The following THSD7B variants were observed in gnomAD, a reference collection of about 807,000 sequenced individuals.
THSD7B encodes thrombospondin type 1 domain containing 7B.
In THSD7B, 138 loss-of-function variants were observed where a neutral mutation model predicts 213.6. The ratio of observed to expected loss-of-function variants is 0.65; its 90% CI spans 0.56 to 0.74. The LOEUF (loss-of-function observed/expected upper bound fraction) is 0.74, where lower values mean the gene tolerates loss of function less well. THSD7B is among the 30% of genes least tolerant of loss of function. The pLI is 0.00. For synonymous variants in THSD7B, 742 were observed against 687.0 expected (o/e 1.08, Z -1.25); for missense variants, 1,931 against 1,991.5 (o/e 0.97, Z 0.58).
At chr2:137,645,139 A>G (rs1683006756) in intron 21 of THSD7B, among the ~76,000 whole-genome samples, 1 of 152,144 alleles carries the variant, frequency 6.6e-6, no homozygotes. Context: ...TATAGTGGGG[A>G]TAGCAGTAGT....
chr2:137,478,094 G>A (rs1386954906), intron 15 of THSD7B, among the ~76,000 whole-genome samples: 1 of 151,860 alleles, frequency 6.6e-6, no homozygotes, highest in East Asian at 1.9e-4. Flanking sequence ...ATATCTATTT[G>A]GCATCTGTAA....
At chr2:137,132,481 T>C (rs1309587702) in intron 5 of THSD7B, among the ~76,000 whole-genome samples, 1 of 152,196 alleles carries the variant, frequency 6.6e-6, no homozygotes, top group Admixed American at 6.5e-5. Context: ...TACTTTCTTA[T>C]GTGAGTTCAC....
At chr2:137,618,061 A>C (rs965031295) in intron 18 of THSD7B, among the ~76,000 whole-genome samples, 6 of 152,132 alleles carry the variant, frequency 3.9e-5, no homozygotes, top group Admixed American at 1.3e-4. Flanking sequence ...TATCCTCAAC[A>C]AATAGTTGAT....
intron 2 of THSD7B, among the ~76,000 whole-genome samples, chr2:137,028,560 C>T (rs2104849637): frequency 1.3e-5 from 2 of 152,232 alleles, no homozygotes; most frequent in South Asian, 4.1e-4. Flanking sequence ...TATTTAACAC[C>T]ACCATGTTCC....
At chr2:137,050,211 CT>C (rs1343847985) in intron 2 of THSD7B, among the ~76,000 whole-genome samples, 1 of 152,088 alleles carries the variant, frequency 6.6e-6, no homozygotes, top group Non-Finnish European at 1.5e-5. Context: ...GTTTGAGAGT[CT>C]TTTTTTAGGC....
chr2:137,452,673 A>G (rs936166366), intron 15 of THSD7B, among the ~76,000 whole-genome samples: 5 of 152,310 alleles, frequency 3.3e-5, no homozygotes, highest in Admixed American at 1.3e-4. Flanking sequence ...TCAAGGGAAT[A>G]AAAGGATTTT....
chr2:137,534,616 G>C (rs1053663163), intron 15 of THSD7B, among the ~76,000 whole-genome samples: 1 of 151,704 alleles, frequency 6.6e-6, no homozygotes, highest in African/African-American at 2.4e-5. Context: ...CTACAGGAAA[G>C]TTTTATGTAC....
intron 2 of THSD7B, among the ~76,000 whole-genome samples, chr2:136,984,901 G>A (rs1039163808): frequency 2.0e-5 from 3 of 152,092 alleles, no homozygotes; most frequent in East Asian, 1.9e-4. Context: ...AGTGAAGATC[G>A]CCCATGTATA....
At chr2:137,342,674 G>T (rs1684787035) in intron 12 of THSD7B, among the ~76,000 whole-genome samples, 1 of 150,110 alleles carries the variant, frequency 6.7e-6, no homozygotes, top group Non-Finnish European at 1.5e-5. Flanking sequence ...ATTGTGTGTA[G>T]ATGCATTCCT....
At chr2:136,877,190 G>C (rs1683538663) in intron 1 of THSD7B, among the ~76,000 whole-genome samples, 1 of 152,172 alleles carries the variant, frequency 6.6e-6, no homozygotes, top group Non-Finnish European at 1.5e-5. Flanking sequence ...TTTTACTTGA[G>C]GAGGGGGACT....
chr2:137,361,924 A>G lies in THSD7B; in HGVS notation c.2501-43689A>G, dbSNP rs144511344. 2.6e-3 allele frequency among the ~76,000 whole-genome samples: 400 copies of G among 152,284 alleles called. 13 individuals are homozygous for G. In the East Asian group the frequency reaches 0.065, roughly 25 times the overall value. On this transcript the variant is annotated intron_variant, in intron 12 of 27. Coordinates refer to ENST00000409968, the MANE Select transcript of THSD7B (RefSeq NM_001316349.2). ...CTCGAGAAGAGCAACCCCAAAACAC[A>G]TAATTATCAGATTCACCAAGGTTGA...
chr2:137,629,920 G>A (rs544786169), intron 20 of THSD7B, among the ~76,000 whole-genome samples: 1 of 152,138 alleles, frequency 6.6e-6, no homozygotes, highest in African/African-American at 2.4e-5. Context: ...TTCTATTTAA[G>A]GTCCCATGTT....
chr2:136,823,932 C>A (rs1257274968), intron 1 of THSD7B, among the ~76,000 whole-genome samples: 1 of 152,142 alleles, frequency 6.6e-6, no homozygotes, highest in East Asian at 1.9e-4. Flanking sequence ...CTACCCTGAA[C>A]ATTTGATCAT....
chr2:137,477,819 T>A (rs962757534), intron 15 of THSD7B, among the ~76,000 whole-genome samples: 1 of 152,120 alleles, frequency 6.6e-6, no homozygotes, highest in Non-Finnish European at 1.5e-5. Context: ...AAGACTTTTT[T>A]AATCCTTCAT....
At chr2:137,453,942 T>A (rs1220366088) in intron 15 of THSD7B, among the ~76,000 whole-genome samples, 1 of 152,156 alleles carries the variant, frequency 6.6e-6, no homozygotes, top group Non-Finnish European at 1.5e-5. Context: ...TAGCAGAGTT[T>A]CTTTCTTTTT....
chr2:136,796,706 A>C (rs1361793568), intron 1 of THSD7B, among the ~76,000 whole-genome samples: 1 of 151,916 alleles, frequency 6.6e-6, no homozygotes, highest in African/African-American at 2.4e-5. Flanking sequence ...TCTAAAGTCA[A>C]TATTTGTTTA....
intron 2 of THSD7B, among the ~76,000 whole-genome samples, chr2:136,980,882 A>G (rs541007590): frequency 5.9e-5 from 9 of 152,260 alleles, no homozygotes; most frequent in African/African-American, 2.2e-4. Flanking sequence ...CCCTTGCTCC[A>G]TGTGGCTCCT....
intron 10 of THSD7B, among the ~76,000 whole-genome samples, chr2:137,260,444 T>A (rs909877662): frequency 3.3e-5 from 5 of 152,116 alleles, no homozygotes; most frequent in African/African-American, 1.2e-4. Flanking sequence ...CTGGGTTCAT[T>A]TGATTTGTTA....
intron 15 of THSD7B, among the ~76,000 whole-genome samples, chr2:137,478,425 T>TTTG (rs775754325): frequency 6.6e-6 from 1 of 152,178 alleles, no homozygotes; most frequent in African/African-American, 2.4e-5. Context: ...TGTGTGTTTT[T>TTTG]TTGTTGTTGT....
Sources: allele counts gnomAD v4.1 joint callset (sites outside exome capture counted in the v4.1 genomes callset), GRCh38; gene constraint gnomAD v4.1.1; transcripts MANE v1.5; gene names NCBI Gene and HGNC (gene_info 2026-07-23, HGNC 2026-07-21).